COX17: variants seen among roughly 807,000 people sequenced by gnomAD.
COX17 encodes cytochrome c oxidase copper chaperone.
Under a neutral mutation model 6.3 loss-of-function variants are expected in COX17, and 1 was observed. The observed-to-expected ratio is 0.16, with a 90% CI of 0.06 to 0.75. The LOEUF is 0.75. COX17 is among the 30% of genes least tolerant of loss of function. The probability of loss-of-function intolerance (pLI) is 0.77; values close to 1 mark genes in which losing one functional copy is unlikely to be tolerated. For missense variants in COX17, 73 were observed against 81.2 expected, an observed-to-expected ratio of 0.90 and a Z score of 0.39; for synonymous variants, 26 against 30.5, an observed-to-expected ratio of 0.85 and a Z score of 0.49.
chr3:119,669,679 T>C lies in COX17; in HGVS notation c.*5-14A>G, dbSNP rs2053025264. 6.6e-6 allele frequency: 1 copy of C among 152,238 alleles called. No homozygotes were observed. The highest frequency in any genetic ancestry group is 1.5e-5 in the Non-Finnish European group (1 of 68,016). 9.4% of individuals were successfully genotyped at this position (152,238 alleles called of 1,614,324 possible). ...ACAGCAGACCACCTACAGAAAAATA[T>C]TTATTTTAGAAAGTCAGATTTCAAA... On this transcript the variant is annotated splice_polypyrimidine_tract_variant and intron_variant, in intron 2 of 2. Coordinates refer to ENST00000261070, the MANE Select transcript of COX17 (RefSeq NM_005694.2).
chr3:119,673,045 A>G (rs2053061004), intron 2 of COX17, among the ~76,000 whole-genome samples: 1 of 152,176 alleles, frequency 6.6e-6, no homozygotes, highest in South Asian at 2.1e-4. Context: ...CAGGCTCTCT[A>G]GTACTAATAT....
intron 2 of COX17, chr3:119,674,795 C>CAAA (rs58394788): frequency 3.1e-4 from 42 of 134,508 alleles, no homozygotes; most frequent in South Asian, 6.9e-4. Context: ...GACCCTGTCT[C>CAAA]AAAAAAAAAA....
chr3:119,664,830 C>G (rs532344955), downstream of COX17, among the ~76,000 whole-genome samples: 3 of 152,072 alleles, frequency 2.0e-5, no homozygotes, highest in South Asian at 6.2e-4. Context: ...AGTGTTGGGT[C>G]TGTGATGAAT....
intron 2 of COX17, among the ~76,000 whole-genome samples, chr3:119,671,415 G>C (rs6794579): frequency 0.36 from 54,593 of 152,124 alleles, 10,515 homozygotes; most frequent in East Asian, 0.66. Flanking sequence ...AATCTACAAA[G>C]GTTTTTGAAT....
At chr3:119,670,048 T>C (rs1245435026) in intron 2 of COX17, among the ~76,000 whole-genome samples, 1 of 152,170 alleles carries the variant, frequency 6.6e-6, no homozygotes, top group Non-Finnish European at 1.5e-5. Context: ...CCCTCTTTGC[T>C]GATTCAAGTA....
At chr3:119,677,079 AGAGGG>A in intron 1 of COX17, 120 bp downstream of exon 1, 1 of 547,470 alleles carries the variant, frequency 1.8e-6, no homozygotes, top group Non-Finnish European at 3.3e-6. Flanking sequence ...GGAAGAGGGC[AGAGGG>A]CAGAAGGCAG....
chr3:119,664,611 A>G (rs1164605157), downstream of COX17, among the ~76,000 whole-genome samples: 2 of 152,228 alleles, frequency 1.3e-5, no homozygotes, highest in African/African-American at 4.8e-5. Context: ...TGAAGTCACC[A>G]GAGTCAACAA....
intron 2 of COX17, among the ~76,000 whole-genome samples, chr3:119,672,082 A>C (rs2053050368): frequency 6.6e-6 from 1 of 152,222 alleles, no homozygotes; most frequent in Non-Finnish European, 1.5e-5. Flanking sequence ...CACAACTCTA[A>C]AGGTATGAGC....
chr3:119,664,741 A>G (rs1257645323), downstream of COX17, among the ~76,000 whole-genome samples: 1 of 152,192 alleles, frequency 6.6e-6, no homozygotes, highest in Admixed American at 6.5e-5. Context: ...TCACAGAGAA[A>G]CTATGGCCTT....
downstream of COX17, among the ~76,000 whole-genome samples, chr3:119,667,681 A>C (rs2053004906): frequency 1.5e-5 from 2 of 130,722 alleles, no homozygotes; most frequent in Admixed American, 1.8e-4. Flanking sequence ...AAAGAAAGTA[A>C]AAGGTGTACA....
chr3:119,668,147 A>T (rs1010181616), downstream of COX17, among the ~76,000 whole-genome samples: 49 of 149,348 alleles, frequency 3.3e-4, no homozygotes, highest in African/African-American at 1.1e-3. Context: ...TAGAAAAAAA[A>T]TTTTATTTTG....
downstream of COX17, among the ~76,000 whole-genome samples, chr3:119,667,688 T>TAC (rs58875404): frequency 0.023 from 3,142 of 136,820 alleles, 122 homozygotes; most frequent in African/African-American, 0.079. Flanking sequence ...GTAAAAGGTG[T>TAC]ACACACACAC....
chr3:119,673,000 CAA>C (rs1168093231), intron 2 of COX17, among the ~76,000 whole-genome samples: 1 of 152,068 alleles, frequency 6.6e-6, no homozygotes, highest in African/African-American at 2.4e-5. Context: ...TGTGAAATTC[CAA>C]AGAGGCAGGA....
intron 1 of COX17, 162 bp from the exon 2 acceptor site, chr3:119,675,395 T>A: frequency 1.7e-6 from 1 of 597,024 alleles, no homozygotes. Context: ...TTTGATCTTA[T>A]GATATGCCCA....
At chr3:119,668,380 T>C (rs922938621), downstream of COX17, among the ~76,000 whole-genome samples, 2 of 152,156 alleles carry the variant, frequency 1.3e-5, no homozygotes, top group African/African-American at 4.8e-5. Flanking sequence ...AGATTATCTC[T>C]GTAAATCATG....
chr3:119,674,867 CT>C (rs1487152355), intron 2 of COX17: 6 of 297,978 alleles, frequency 2.0e-5, no homozygotes, highest in Non-Finnish European at 3.7e-5. Context: ...GAATATGTTT[CT>C]TTTAGTTCCC....
chr3:119,671,783 C>T (rs2107833537), intron 2 of COX17, among the ~76,000 whole-genome samples: 1 of 152,278 alleles, frequency 6.6e-6, no homozygotes, highest in South Asian at 2.1e-4. Flanking sequence ...ATATAAAAAT[C>T]TTAACTCTAA....
At chr3:119,670,508 G>A (rs1422376616) in intron 2 of COX17, among the ~76,000 whole-genome samples, 2 of 152,158 alleles carry the variant, frequency 1.3e-5, no homozygotes, top group African/African-American at 4.8e-5. Context: ...AATTATAGCA[G>A]CCCATAGCAT....
chr3:119,667,293 C>T (rs967909606), downstream of COX17, among the ~76,000 whole-genome samples: 2 of 152,038 alleles, frequency 1.3e-5, no homozygotes, highest in East Asian at 1.9e-4. Context: ...TCATTATTAC[C>T]GAAATGCTGT....
Sources: gnomAD v4.1 joint callset for allele counts (sites outside exome capture counted in the v4.1 genomes callset) on GRCh38, gnomAD v4.1.1 for gene constraint, MANE v1.5 for transcripts, NCBI Gene and HGNC (gene_info 2026-07-23, HGNC 2026-07-21) for gene names.